TJP1: variants seen among roughly 807,000 people sequenced by gnomAD.
TJP1 encodes tight junction protein 1.
In TJP1, 43 loss-of-function variants were observed where a neutral mutation model predicts 194.2. The ratio of observed to expected loss-of-function variants is 0.22; its 90% confidence interval spans 0.17 to 0.29. The LOEUF is 0.29. TJP1 is among the 10% of genes least tolerant of loss of function. The probability of loss-of-function intolerance (pLI) is 1.00; values close to 1 mark genes in which losing one functional copy is unlikely to be tolerated. For synonymous variants in TJP1, 801 were observed against 779.0 expected (o/e 1.03, Z -0.47); for missense variants, 1,971 against 2,185.7 (o/e 0.90, Z 1.96).
rs565127639 is a variant in TJP1 at position 29,801,615 on chromosome 15, C to T, written c.28-913G>A. On this transcript the variant is annotated intron_variant, in intron 1 of 27. Transcript: ENST00000614355. Reference sequence around the variant, plus strand: ...TAGCTGGGACTACAGGCGCCCGCCACTACGCCCGGCTAATTTTTTGTATTT... The same window carrying T: ...TAGCTGGGACTACAGGCGCCCGCCATTACGCCCGGCTAATTTTTTGTATTT... 1.3e-4 allele frequency among the ~76,000 whole-genome samples: 20 copies of T among 151,386 alleles called. 1 individual carries two copies. In the East Asian group the frequency reaches 3.5e-3, roughly 27 times the overall value.
intron 2 of TJP1, among the ~76,000 whole-genome samples, chr15:29,877,667 T>TC (rs1567158647): frequency 6.6e-6 from 1 of 151,506 alleles, no homozygotes; most frequent in South Asian, 2.1e-4. Flanking sequence ...TCTCTCTCTT[T>TC]CTTTTTTTTT....
intron 2 of TJP1, among the ~76,000 whole-genome samples, chr15:29,919,699 A>C (rs910688540): frequency 4.6e-5 from 7 of 152,136 alleles, no homozygotes; most frequent in African/African-American, 1.7e-4. Context: ...AGGCAGAGGG[A>C]CTTCAGGACC....
chr15:29,884,821 G>A (rs551364894), intron 2 of TJP1, among the ~76,000 whole-genome samples: 24 of 152,116 alleles, frequency 1.6e-4, no homozygotes, highest in Non-Finnish European at 1.5e-5. Flanking sequence ...TAACTAAAGG[G>A]ATCAAAAAGT....
At chr15:29,935,322 C>T (rs947045540) in intron 2 of TJP1, among the ~76,000 whole-genome samples, 14 of 152,172 alleles carry the variant, frequency 9.2e-5, no homozygotes, top group African/African-American at 3.4e-4. Flanking sequence ...TTGTATTCAC[C>T]TCCTCTGTTC....
intron 22 of TJP1, among the ~76,000 whole-genome samples, chr15:29,717,509 G>C (rs865914564): frequency 4.2e-5 from 5 of 119,230 alleles, no homozygotes; most frequent in African/African-American, 1.5e-4. Flanking sequence ...TTCTCTTCCA[G>C]CTCTAAGTCT....
chr15:29,845,905 G>C (rs1205264623), intron 2 of TJP1, among the ~76,000 whole-genome samples: 1 of 152,164 alleles, frequency 6.6e-6, no homozygotes, highest in Non-Finnish European at 1.5e-5. Context: ...CCAGTGGCCA[G>C]GGGGAGGTCA....
intron 2 of TJP1, among the ~76,000 whole-genome samples, chr15:29,793,699 T>C (rs1203285516): frequency 6.6e-6 from 1 of 152,158 alleles, no homozygotes; most frequent in Admixed American, 6.5e-5. Flanking sequence ...GCTAAACCAT[T>C]CATGAGAACT....
intron 2 of TJP1, among the ~76,000 whole-genome samples, chr15:29,778,338 A>G (rs1183202985): frequency 2.6e-5 from 4 of 152,182 alleles, no homozygotes; most frequent in Admixed American, 2.6e-4. Context: ...GACTTAAAAA[A>G]AAAAAAATAG....
chr15:29,872,652 A>AG (rs57580529), intron 2 of TJP1, among the ~76,000 whole-genome samples: 78,279 of 152,002 alleles, frequency 0.51, 21,416 homozygotes, highest in African/African-American at 0.72. Flanking sequence ...CGATGGAAAA[A>AG]AGCAAGAACT....
At chr15:29,911,795 A>G (rs1445665875) in intron 2 of TJP1, among the ~76,000 whole-genome samples, 1 of 152,136 alleles carries the variant, frequency 6.6e-6, no homozygotes, top group Non-Finnish European at 1.5e-5. Context: ...AGCAAATCTC[A>G]TAATTATTTT....
At chr15:29,714,634 G>T (rs145137971) in intron 23 of TJP1, among the ~76,000 whole-genome samples, 6 of 145,038 alleles carry the variant, frequency 4.1e-5, no homozygotes, top group Middle Eastern at 3.8e-3. Context: ...TCTGTCTCCC[G>T]GGTTCACGCC....
At chr15:29,839,869 T>C (rs928331000) in intron 2 of TJP1, among the ~76,000 whole-genome samples, 5 of 152,228 alleles carry the variant, frequency 3.3e-5, no homozygotes, top group South Asian at 2.1e-4. Flanking sequence ...ACCACCAATG[T>C]AGGAGTGATC....
Position 29,766,440 on chromosome 15 carries a change from G to T in TJP1, c.415C>A (p.Pro139Thr), listed in dbSNP as rs1417348928. ...ACCACACCACTCCGGCCACTTCTTG[G>T]ATCATGTATTTCCTCATCATAACTA... The part of the protein sequence containing the change: ...EDSYDEEIHD[P>T]RSGRSGVVNR... Residue 139 changes from proline (P) to threonine (T), a missense_variant, in exon 5 of 28, where the codon CCA (proline) becomes ACA (threonine). Coordinates refer to ENST00000614355, the MANE Select transcript of TJP1 (RefSeq NM_001330239.4). 19 of 1,613,914 alleles carry T rather than the reference G, an allele frequency of 1.2e-5. No individual in the cohort carries two copies. The highest frequency in any genetic ancestry group is 1.7e-5 in the Admixed American group (1 of 59,994).
rs573455760 is a variant in TJP1 at position 29,731,466 on chromosome 15, G to A, written c.2017+967C>T. ...CAGTGATGCCACTGAGATGGCACCT[G>A]TCAAAAGAGCAGTGGTTCCATTTCT... On this transcript the variant is annotated intron_variant, in intron 15 of 27. Transcript: ENST00000614355. 2.0e-5 allele frequency among the ~76,000 whole-genome samples: 3 copies of A among 152,298 alleles called. No homozygotes were observed. The South Asian group carries it at 6.2e-4, about 32-fold the overall frequency.
At chr15:29,879,661 G>A (rs1596169493) in intron 2 of TJP1, among the ~76,000 whole-genome samples, 1 of 152,090 alleles carries the variant, frequency 6.6e-6, no homozygotes, top group Non-Finnish European at 1.5e-5. Context: ...CATAGTGATG[G>A]AATTGTGACA....
intron 27 of TJP1, 35 bp downstream of exon 27, chr15:29,704,127 C>T (rs187511925): frequency 6.5e-7 from 1 of 1,542,400 alleles, no homozygotes; most frequent in East Asian, 2.5e-5. Flanking sequence ...CGACAGTCCC[C>T]AAAGCTCCCA....
intron 2 of TJP1, among the ~76,000 whole-genome samples, chr15:29,774,078 G>T (rs911939925): frequency 2.0e-5 from 3 of 152,100 alleles, no homozygotes; most frequent in African/African-American, 7.2e-5. Context: ...CCCTAGAAAG[G>T]ATATGAAGTA....
In TJP1 at chr15:29,889,118, C is replaced by T. The variant is rs151288443; in HGVS notation, c.306+67114G>A. Among the ~76,000 whole-genome samples the T allele has an allele frequency of 3.9e-3, 587 of 152,250 alleles. 2 individuals are homozygous for T. Among genetic ancestry groups the T allele is most frequent in the Non-Finnish European group, 6.0e-3 (411 of 68,012 alleles). On this transcript the variant is annotated intron_variant, in intron 2 of 28. Coordinates refer to the TJP1 transcript ENST00000356107. The stretch of plus-strand genomic sequence containing the variant: ...ATCAACCCACAGCATGTGTGCATAA[C>T]GTTTTAGTGTTAAATACAAAATAAT...
intron 4 of TJP1, among the ~76,000 whole-genome samples, chr15:29,767,778 C>A (rs1009466469): frequency 5.9e-5 from 9 of 152,100 alleles, no homozygotes; most frequent in Non-Finnish European, 4.4e-5. Flanking sequence ...TATTTCCCCT[C>A]CTAAATTTTT....
Sources: gnomAD v4.1 joint callset for allele counts (sites outside exome capture counted in the v4.1 genomes callset) on GRCh38, gnomAD v4.1.1 for gene constraint, MANE v1.5 for transcripts, NCBI Gene and HGNC (gene_info 2026-07-23, HGNC 2026-07-21) for gene names.